ZNF536: variants seen among roughly 807,000 people sequenced by gnomAD.
ZNF536 encodes the protein zinc finger protein 536.
In ZNF536, 13 loss-of-function variants were observed where a neutral mutation model predicts 84.5. The observed-to-expected ratio is 0.15, with a 90% confidence interval of 0.10 to 0.24. The LOEUF is 0.24. ZNF536 is among the 10% of genes least tolerant of loss of function. The pLI is 1.00. For synonymous variants in ZNF536, 811 were observed against 742.5 expected (o/e 1.09, Z -1.50); for missense variants, 1,536 against 1,747.5 (o/e 0.88, Z 2.16).
At chr19:30,529,529 A>C (rs1184753954) in intron 2 of ZNF536, among the ~76,000 whole-genome samples, 4 of 152,124 alleles carry the variant, frequency 2.6e-5, no homozygotes, top group African/African-American at 9.7e-5. Context: ...CCCTCCTCTG[A>C]ATACTTGGGG....
At chr19:30,629,921 A>G (rs1373674655) in intron 1 of ZNF536, among the ~76,000 whole-genome samples, 1 of 152,112 alleles carries the variant, frequency 6.6e-6, no homozygotes, top group Non-Finnish European at 1.5e-5. Flanking sequence ...GATCTGAGCA[A>G]CCCCGTGCCA....
chr19:30,332,600 A>C (rs1279390484), intron 2 of ZNF536, among the ~76,000 whole-genome samples: 1 of 152,108 alleles, frequency 6.6e-6, no homozygotes, highest in African/African-American at 2.4e-5. Flanking sequence ...AGACTTCCCC[A>C]GTTGCTGGCT....
intron 2 of ZNF536, among the ~76,000 whole-genome samples, chr19:30,479,947 C>T (rs1227991289): frequency 1.3e-5 from 2 of 152,226 alleles, no homozygotes; most frequent in East Asian, 1.9e-4. Flanking sequence ...GCCTTCAGGG[C>T]TGGTTCCAAG....
At position 30,275,642 on chromosome 19, in the gene ZNF536, A is replaced by G. The variant is rs563649236; in HGVS notation, c.-189-8430A>G. ...CTCCTGAGCTCTTAACCTCAGACAC[A>G]GAACTTTGGGGCTAGTGCCTCAGTT... On this transcript the variant is annotated intron_variant, in intron 1 of 5. Coordinates refer to the ZNF536 transcript ENST00000585628. 2.0e-3 allele frequency among the ~76,000 whole-genome samples: 309 copies of G among 152,332 alleles called. 1 individual carries two copies. The highest frequency in any genetic ancestry group is 4.0e-3 in the Non-Finnish European group (269 of 68,026).
intron 1 of ZNF536, among the ~76,000 whole-genome samples, chr19:30,619,108 T>A (rs1226592320): frequency 6.6e-6 from 1 of 152,198 alleles, no homozygotes; most frequent in African/African-American, 2.4e-5. Flanking sequence ...TTCTCATCCC[T>A]AACCCCCCAT....
chr19:30,536,962 C>A (rs567730433), intron 3 of ZNF536, among the ~76,000 whole-genome samples: 7 of 152,330 alleles, frequency 4.6e-5, no homozygotes, highest in African/African-American at 1.7e-4. Flanking sequence ...GGACCCCCCG[C>A]CCCACCAGGA....
At chr19:30,470,474 T>G (rs946220109) in intron 2 of ZNF536, among the ~76,000 whole-genome samples, 3 of 151,396 alleles carry the variant, frequency 2.0e-5, no homozygotes, top group Admixed American at 1.3e-4. Context: ...CATTTAGTTT[T>G]TTTTTTTTTT....
At chr19:30,324,798 CAG>C (rs1449905982) in intron 2 of ZNF536, among the ~76,000 whole-genome samples, 2 of 152,174 alleles carry the variant, frequency 1.3e-5, no homozygotes, top group Non-Finnish European at 2.9e-5. Flanking sequence ...CCCATGAAGT[CAG>C]AGCCGATCTC....
At chr19:30,481,638 T>G (rs1429306703) in intron 2 of ZNF536, among the ~76,000 whole-genome samples, 1 of 152,214 alleles carries the variant, frequency 6.6e-6, no homozygotes, top group Non-Finnish European at 1.5e-5. Flanking sequence ...CTTTTTAGAA[T>G]TGAGTTCTTT....
chr19:30,414,841 G>C (rs1600637554), intron 1 of ZNF536, among the ~76,000 whole-genome samples: 1 of 152,018 alleles, frequency 6.6e-6, no homozygotes, highest in East Asian at 1.9e-4. Context: ...ATCTGAAAAT[G>C]TGTTATTTTA....
downstream of ZNF536, among the ~76,000 whole-genome samples, chr19:30,559,283 C>G (rs906952422): frequency 6.6e-6 from 1 of 152,138 alleles, no homozygotes; most frequent in Non-Finnish European, 1.5e-5. Context: ...GTGATGGATC[C>G]CTAAATGCCT....
At chr19:30,390,802 C>A (rs1027721554) in intron 1 of ZNF536, among the ~76,000 whole-genome samples, 1 of 152,146 alleles carries the variant, frequency 6.6e-6, no homozygotes, top group Non-Finnish European at 1.5e-5. Context: ...TCACCGCCAG[C>A]CCCCGCCCCC....
chr19:30,497,673 T>A lies in ZNF536; in HGVS notation c.2171-37174T>A, dbSNP rs147619227. ...CCAGGGAAGTCCCCGGATCCTGAATTCTTCGGAACTGTTGTACTTTAAGAT... is the reference window on the plus strand; with the variant it reads ...CCAGGGAAGTCCCCGGATCCTGAATACTTCGGAACTGTTGTACTTTAAGAT... On this transcript the variant is annotated intron_variant, in intron 2 of 4. Coordinates refer to ENST00000355537, the MANE Select transcript of ZNF536 (RefSeq NM_014717.3). Among the ~76,000 whole-genome samples the A allele has an allele frequency of 6.7e-4, 102 of 152,254 alleles. 1 individual carries two copies. The highest frequency in any genetic ancestry group is 2.3e-3 in the African/African-American group (96 of 41,554).
At chr19:30,560,430 C>A (rs1364438601), downstream of ZNF536, among the ~76,000 whole-genome samples, 1 of 152,148 alleles carries the variant, frequency 6.6e-6, no homozygotes, top group Non-Finnish European at 1.5e-5. Flanking sequence ...CACCTTCCCC[C>A]AAGCCACCAC....
At chr19:30,410,020 T>C (rs2050414791) in intron 1 of ZNF536, among the ~76,000 whole-genome samples, 1 of 152,156 alleles carries the variant, frequency 6.6e-6, no homozygotes, top group Non-Finnish European at 1.5e-5. Flanking sequence ...TAACCCTTTG[T>C]CTTATACACA....
At chr19:30,710,365 G>A (rs1158133441) in intron 1 of ZNF536, among the ~76,000 whole-genome samples, 2 of 152,136 alleles carry the variant, frequency 1.3e-5, no homozygotes, top group Non-Finnish European at 2.9e-5. Flanking sequence ...AACATAGCGA[G>A]ATCCTGTCTC....
At chr19:30,550,839 A>C (rs981196997) in intron 4 of ZNF536, among the ~76,000 whole-genome samples, 1 of 152,184 alleles carries the variant, frequency 6.6e-6, no homozygotes, top group Admixed American at 6.5e-5. Context: ...AAAATCACTA[A>C]ATGGATTTCT....
intron 2 of ZNF536, among the ~76,000 whole-genome samples, chr19:30,479,081 C>T (rs2053967508): frequency 6.6e-6 from 1 of 152,176 alleles, no homozygotes. Context: ...ATTGTGTATC[C>T]CATATCAGTT....
intron 2 of ZNF536, among the ~76,000 whole-genome samples, chr19:30,464,181 T>A (rs1187343958): frequency 6.6e-6 from 1 of 152,132 alleles, no homozygotes; most frequent in Non-Finnish European, 1.5e-5. Flanking sequence ...ACATCGCTGC[T>A]TACGGGTTTA....
Sources: allele counts gnomAD v4.1 joint callset (sites outside exome capture counted in the v4.1 genomes callset), GRCh38; gene constraint gnomAD v4.1.1; transcripts MANE v1.5; gene names NCBI Gene and HGNC (gene_info 2026-07-23, HGNC 2026-07-21).